MYT1L: variants seen among roughly 807,000 people sequenced by gnomAD.
The protein encoded by MYT1L is myelin transcription factor 1 like, also known as myelin transcription factor 1-like protein.
Under a neutral mutation model 126.7 loss-of-function variants are expected in MYT1L, and 12 were observed. The observed-to-expected ratio is 0.09, with a 90% confidence interval of 0.06 to 0.15. MYT1L has a LOEUF of 0.15. Ranked by LOEUF, MYT1L falls within the 10% of genes least tolerant of loss-of-function variation. The pLI, the probability that MYT1L is intolerant of heterozygous loss-of-function variation, is 1.00. For synonymous variants in MYT1L, 541 were observed against 604.2 expected, an observed-to-expected ratio of 0.90 and a Z score of 1.53; for missense variants, 979 against 1,585.2, an observed-to-expected ratio of 0.62 and a Z score of 6.49.
At chr2:1,958,585 G>C in intron 8 of MYT1L, among the ~76,000 whole-genome samples, 1 of 152,240 alleles carries the variant, frequency 6.6e-6, no homozygotes, top group Non-Finnish European at 1.5e-5. Context: ...CTCTGGGCAA[G>C]CTGGCCAGGG....
intron 18 of MYT1L, among the ~76,000 whole-genome samples, chr2:1,857,128 A>T (rs567717926): frequency 1.1e-4 from 17 of 152,048 alleles, no homozygotes; most frequent in African/African-American, 3.9e-4. Context: ...CCAGCCAGTC[A>T]TCAGGGCCTG....
At chr2:1,854,545 G>T (rs2043669301) in intron 18 of MYT1L, among the ~76,000 whole-genome samples, 1 of 152,092 alleles carries the variant, frequency 6.6e-6, no homozygotes. Context: ...TTAGGTTTCA[G>T]TAAAAAAAGT....
At chr2:2,145,642 GACAC>G (rs139332300) in intron 3 of MYT1L, among the ~76,000 whole-genome samples, 63 of 146,516 alleles carry the variant, frequency 4.3e-4, no homozygotes, top group Admixed American at 1.4e-3. Flanking sequence ...ACACACACAA[GACAC>G]ACACACACAC....
intron 22 of MYT1L, among the ~76,000 whole-genome samples, 169 bp downstream of exon 22, chr2:1,808,907 C>T (rs944236118): frequency 1.3e-5 from 2 of 152,212 alleles, no homozygotes; most frequent in African/African-American, 4.8e-5. Context: ...TTGAGAAAGA[C>T]TGCTTTTTCT....
Position 1,837,611 on chromosome 2 carries a change from C to T in MYT1L, c.3080+1538G>A, listed in dbSNP as rs866012642. 1.3e-4 allele frequency among the ~76,000 whole-genome samples: 20 copies of T among 152,066 alleles called. No individual in the cohort carries two copies. The highest frequency in any genetic ancestry group is 4.6e-4 in the African/African-American group (19 of 41,404). On this transcript the variant is annotated intron_variant, in intron 21 of 24. Transcript: ENST00000647738. ...GTTCTTTGTAACAATCAAACCTGGA[C>T]AGGACACCAGGTGGCACGTGCAGGA...
chr2:1,959,062 C>T (rs1231444563), intron 8 of MYT1L, among the ~76,000 whole-genome samples: 1 of 152,120 alleles, frequency 6.6e-6, no homozygotes, highest in Non-Finnish European at 1.5e-5. Flanking sequence ...GGGATGTCAG[C>T]GTCTTGGTGT....
intron 21 of MYT1L, among the ~76,000 whole-genome samples, chr2:1,819,846 C>T (rs139323058): frequency 7.9e-5 from 12 of 152,288 alleles, no homozygotes; most frequent in African/African-American, 2.6e-4. Flanking sequence ...AGGCAGGGAG[C>T]TGGAGGGATG....
intron 3 of MYT1L, among the ~76,000 whole-genome samples, chr2:2,148,414 G>A (rs551007219): frequency 6.6e-6 from 1 of 152,328 alleles, no homozygotes; most frequent in South Asian, 2.1e-4. Flanking sequence ...ATCTGATGGG[G>A]GGCGGAGCTC....
intron 16 of MYT1L, among the ~76,000 whole-genome samples, chr2:1,888,999 A>G (rs1190507774): frequency 6.6e-6 from 1 of 152,246 alleles, no homozygotes; most frequent in African/African-American, 2.4e-5. Context: ...GTAACAAAAC[A>G]TATTTGTTAG....
chr2:1,867,036 G>A (rs1381939070), intron 18 of MYT1L, among the ~76,000 whole-genome samples: 3 of 141,422 alleles, frequency 2.1e-5, no homozygotes, highest in Non-Finnish European at 4.6e-5. Flanking sequence ...AGAGGGAGAG[G>A]GGCAGCCAGG....
At chr2:1,983,595 C>T (rs541543391) in intron 5 of MYT1L, among the ~76,000 whole-genome samples, 2 of 152,220 alleles carry the variant, frequency 1.3e-5, no homozygotes, top group Admixed American at 6.5e-5. Flanking sequence ...CTCCCCAGCC[C>T]CTCCATCCTG....
chr2:2,311,969 T>C (rs569095995), intron 1 of MYT1L, among the ~76,000 whole-genome samples: 16 of 152,212 alleles, frequency 1.1e-4, no homozygotes, highest in Non-Finnish European at 2.2e-4. Flanking sequence ...TAACACTCAA[T>C]GACAAGCATT....
intron 18 of MYT1L, among the ~76,000 whole-genome samples, chr2:1,873,048 C>T (rs2046454724): frequency 6.6e-6 from 1 of 152,182 alleles, no homozygotes. Flanking sequence ...CTGCCTCCTG[C>T]CTTGGCCTTT....
intron 3 of MYT1L, among the ~76,000 whole-genome samples, chr2:2,087,955 G>T (rs190060214): frequency 6.6e-6 from 1 of 152,314 alleles, no homozygotes; most frequent in African/African-American, 2.4e-5. Flanking sequence ...TTGTGATCAC[G>T]GCTGAGTTGG....
chr2:2,204,877 G>C (rs2093249032), intron 2 of MYT1L, among the ~76,000 whole-genome samples: 1 of 151,864 alleles, frequency 6.6e-6, no homozygotes, highest in Non-Finnish European at 1.5e-5. Context: ...GTCCAACAAT[G>C]ATAGACTGGA....
intron 3 of MYT1L, among the ~76,000 whole-genome samples, chr2:2,145,057 GA>G (rs2084667537): frequency 6.6e-6 from 1 of 152,222 alleles, no homozygotes; most frequent in Non-Finnish European, 1.5e-5. Context: ...GTGTGTGCGT[GA>G]ATGCACAAAA....
At chr2:2,056,131 C>A (rs1374771184) in intron 3 of MYT1L, among the ~76,000 whole-genome samples, 1 of 152,194 alleles carries the variant, frequency 6.6e-6, no homozygotes, top group Non-Finnish European at 1.5e-5. Context: ...GTTCTCCAGG[C>A]GCACATTCAC....
chr2:2,180,907 T>C (rs1323699618), intron 2 of MYT1L, among the ~76,000 whole-genome samples: 2 of 147,934 alleles, frequency 1.4e-5, no homozygotes, highest in East Asian at 1.9e-4. Context: ...TGTGCTTGTG[T>C]ATGTACCTGT....
chr2:1,868,086 C>G (rs185727436), intron 18 of MYT1L, among the ~76,000 whole-genome samples: 5 of 152,212 alleles, frequency 3.3e-5, no homozygotes, highest in Admixed American at 2.6e-4. Context: ...CCTGCCTCAG[C>G]CTCCCAAGTA....
Sources: gnomAD v4.1 joint callset for allele counts (sites outside exome capture counted in the v4.1 genomes callset) on GRCh38, gnomAD v4.1.1 for gene constraint, MANE v1.5 for transcripts, NCBI Gene and HGNC (gene_info 2026-07-23, HGNC 2026-07-21) for gene names.